The following RINT1 variants were observed in gnomAD, a reference collection of about 807,000 sequenced individuals.
RINT1 encodes RAD50 interactor 1.
A neutral mutation model predicts 97.7 loss-of-function variants in RINT1; 75 were observed. The ratio of observed to expected loss-of-function variants is 0.77; its 90% CI spans 0.64 to 0.93. RINT1 has a LOEUF of 0.93. Ranked by LOEUF, RINT1 falls within the 40% of genes least tolerant of loss-of-function variation. The pLI, the probability that RINT1 is intolerant of heterozygous loss-of-function variation, is 0.00. For missense variants in RINT1, 892 were observed against 925.2 expected (o/e 0.96, Z 0.47); for synonymous variants, 303 against 326.3 (o/e 0.93, Z 0.77).
chr7:105,538,073 A>T (rs970216803), intron 3 of RINT1, among the ~76,000 whole-genome samples: 1 of 150,946 alleles, frequency 6.6e-6, no homozygotes, highest in Non-Finnish European at 1.5e-5. Flanking sequence ...GCTCACTGCA[A>T]CCTCTGCCTC....
chr7:105,541,889 A>G (rs968699718), intron 3 of RINT1: 11 of 152,832 alleles, frequency 7.2e-5, no homozygotes, highest in African/African-American at 2.6e-4. Flanking sequence ...ATGTATGTGT[A>G]TATGTATGTA....
intron 14 of RINT1, 126 bp downstream of exon 14, chr7:105,565,774 C>G (rs1015022732): frequency 3.1e-6 from 2 of 642,952 alleles, no homozygotes; most frequent in Non-Finnish European, 5.4e-6. Flanking sequence ...AAAACATTGT[C>G]TATCTACTGT....
rs540318781 is a variant in RINT1, at chr7:105,567,270, C to G, written c.2338C>G (p.Leu780Val). The G allele has an allele frequency of 2.5e-6, 4 of 1,609,128 alleles. No homozygotes were observed. The African/African-American group carries it at 5.3e-5, about 22-fold the overall frequency. The change falls in exon 15 of 15, where the codon CTA becomes GTA. Residue 780 changes from leucine (L) to valine (V), a missense_variant. By Grantham distance (32) the Leu-to-Val change is conservative. Coordinates refer to ENST00000257700, the MANE Select transcript of RINT1 (RefSeq NM_021930.6). ...ACTGGCTCAACAAGATGTTGAGATTCTACTTAATTTGAGGACAAATTGGCC... is the reference window on the plus strand; with the variant it reads ...ACTGGCTCAACAAGATGTTGAGATTGTACTTAATTTGAGGACAAATTGGCC... ...YKLAQQDVEI[L>V]LNLRTNWPNT...
chr7:105,540,047 A>G (rs1790393880), intron 3 of RINT1, among the ~76,000 whole-genome samples: 1 of 151,598 alleles, frequency 6.6e-6, no homozygotes, highest in Non-Finnish European at 1.5e-5. Context: ...CCCACATACT[A>G]TAAGAAAAAT....
intron 11 of RINT1, among the ~76,000 whole-genome samples, chr7:105,561,709 C>T (rs1791449863): frequency 6.6e-6 from 1 of 151,916 alleles, no homozygotes; most frequent in South Asian, 2.1e-4. Context: ...TTACAGGCAC[C>T]TGCCACCATG....
chr7:105,556,707 A>AATTATT (rs71155454), intron 11 of RINT1, among the ~76,000 whole-genome samples: 149,588 of 152,142 alleles, frequency 0.98, 73,582 homozygotes, highest in Non-Finnish European at 1. Context: ...TGATCTGCCT[A>AATTATT]ATTAAGTTAA....
chr7:105,567,581 G>T lies in RINT1; in HGVS notation c.*270G>T. 1 of 604,022 alleles carries T rather than the reference G, an allele frequency of 1.7e-6. No homozygotes were observed. The highest frequency in any genetic ancestry group is 2.0e-5 in the South Asian group (1 of 49,652). The allele number at this position is 604,022 out of a possible 1,614,324, so 37.4% of individuals were successfully genotyped here. ...AGTATGTCTGTTGAAGACGAGCAGA[G>T]ATATTAAATTATAACCAACTTTCAA... On this transcript the variant is annotated 3_prime_UTR_variant, in exon 15 of 15. Transcript: ENST00000257700.
chr7:105,550,891 A>C (rs1790898371), intron 9 of RINT1, among the ~76,000 whole-genome samples: 1 of 152,084 alleles, frequency 6.6e-6, no homozygotes, highest in Non-Finnish European at 1.5e-5. Flanking sequence ...AGTAGTTAGG[A>C]TTACAGGCAC....
At chr7:105,553,370 T>A (rs915235481) in intron 10 of RINT1, among the ~76,000 whole-genome samples, 3 of 150,942 alleles carry the variant, frequency 2.0e-5, no homozygotes, top group African/African-American at 7.3e-5. Flanking sequence ...GGATTACAGA[T>A]GCCTGCCACC....
intron 14 of RINT1, chr7:105,566,916 C>T: frequency 2.7e-6 from 1 of 364,810 alleles, no homozygotes; most frequent in Non-Finnish European, 4.8e-6. Context: ...GATCGTATTA[C>T]CTTATAGTAA....
At position 105,539,172 on chromosome 7, in the gene RINT1, C is replaced by T. The variant is rs1790361128; in HGVS notation, c.273+2423C>T. Among the ~76,000 whole-genome samples the T allele has an allele frequency of 4.6e-5, 7 of 152,222 alleles. No homozygotes were observed. The South Asian group carries it at 1.5e-3, about 32-fold the overall frequency. ...TAAATTCAGCATGTCCAAAACTATA[C>T]TGATCCATTTTTTAGAGGCTTGTCT... On this transcript the variant is annotated intron_variant, in intron 3 of 14. Coordinates refer to ENST00000257700, the MANE Select transcript of RINT1 (RefSeq NM_021930.6).
intron 10 of RINT1, among the ~76,000 whole-genome samples, chr7:105,554,569 G>A (rs1791092019): frequency 6.6e-6 from 1 of 151,680 alleles, no homozygotes; most frequent in Non-Finnish European, 1.5e-5. Flanking sequence ...CTCCCAAGTA[G>A]CTGGGATTAC....
chr7:105,537,345 G>T (rs1487353558), intron 3 of RINT1, among the ~76,000 whole-genome samples: 1 of 151,556 alleles, frequency 6.6e-6, no homozygotes, highest in African/African-American at 2.4e-5. Context: ...GGCAAGGCTG[G>T]TCTTGAACTC....
chr7:105,541,720 G>C (rs1314173218), intron 3 of RINT1: 1 of 152,156 alleles, frequency 6.6e-6, no homozygotes, highest in African/African-American at 2.4e-5. Context: ...AGGTTGCAGT[G>C]AGCTGAGATC....
chr7:105,533,005 C>G, intron 2 of RINT1, 136 bp downstream of exon 2: 2 of 774,898 alleles, frequency 2.6e-6, no homozygotes, highest in Non-Finnish European at 4.5e-6. Context: ...TATGGTAATA[C>G]TGATGACCAT....
rs1791545444 is a variant in RINT1, at chr7:105,563,676, T to G, written c.1672-57T>G. On this transcript the variant is annotated intron_variant, in intron 11 of 14. Transcript: ENST00000257700. ...GGTGAATTGTATGACATATGAATTC[T>G]ATTTCAAACTGTTAAAAAAAAAGTA... The G allele has an allele frequency of 3.6e-6, 5 of 1,382,466 alleles. No individual in the cohort carries two copies. In the South Asian group the frequency reaches 6.0e-5, roughly 17 times the overall value. The allele number at this position is 1,382,466 out of a possible 1,614,324, so 85.6% of individuals were successfully genotyped here.
At chr7:105,548,805 C>A in intron 7 of RINT1, 95 bp downstream of exon 7, 1 of 1,217,752 alleles carries the variant, frequency 8.2e-7, no homozygotes, top group Non-Finnish European at 1.2e-6. Flanking sequence ...TGACTCTCTT[C>A]ACATTTCTGT....
At chr7:105,546,655 C>T (rs1041447376) in intron 4 of RINT1, among the ~76,000 whole-genome samples, 6 of 152,178 alleles carry the variant, frequency 3.9e-5, no homozygotes, top group African/African-American at 1.4e-4. Flanking sequence ...GGTCGGATCA[C>T]TTGAGGTCAG....
intron 3 of RINT1, among the ~76,000 whole-genome samples, chr7:105,541,326 G>A (rs1347174821): frequency 7.0e-6 from 1 of 142,364 alleles, no homozygotes; most frequent in African/African-American, 2.6e-5. Flanking sequence ...TAGTAGAGAT[G>A]GGGTTTCATC....
Sources: gnomAD v4.1 joint callset for allele counts (sites outside exome capture counted in the v4.1 genomes callset) on GRCh38, gnomAD v4.1.1 for gene constraint, MANE v1.5 for transcripts, NCBI Gene and HGNC (gene_info 2026-07-23, HGNC 2026-07-21) for gene names.